Variants in MCTP2 observed in about 807,000 individuals in gnomAD.
MCTP2 encodes the protein multiple C2 and transmembrane domain containing 2, also known as multiple C2 and transmembrane domain-containing protein 2.
In MCTP2, 132 loss-of-function variants were observed where a neutral mutation model predicts 111.6. The observed-to-expected ratio is 1.18, with a 90% CI of 1.03 to 1.37. The LOEUF is 1.37. MCTP2 is among the 40% of genes most tolerant of loss of function. The pLI is 0.00. For missense variants in MCTP2, 1,183 were observed against 1,067.9 expected, an observed-to-expected ratio of 1.11 and a Z score of -1.50; for synonymous variants, 395 against 387.7, an observed-to-expected ratio of 1.02 and a Z score of -0.22.
At chr15:94,346,803 C>T (rs780467430) in intron 8 of MCTP2, among the ~76,000 whole-genome samples, 5 of 151,990 alleles carry the variant, frequency 3.3e-5, no homozygotes, top group African/African-American at 4.8e-5. Context: ...AAAATGTTGA[C>T]GGCCTGGGTG....
rs571927988 is a variant in MCTP2, at chr15:94,340,208, C to A, written c.790C>A (p.Arg264=). ...TCTGTCCTCTTTGTAGGTATATGAT[C>A]GAGATTTAACCACATCTGATTTCAT... is the stretch of plus-strand genomic sequence containing the variant. ...DQKLRVKVYD[R]DLTTSDFMGS... is the part of the protein sequence containing the mutation. The change falls in exon 6 of 23, where the codon CGA becomes AGA. Residue 264 remains arginine, a synonymous_variant. Transcript: ENST00000357742. 9.9e-6 allele frequency: 16 copies of A among 1,611,264 alleles called. No individual in the cohort carries two copies. In the South Asian group the frequency reaches 1.8e-4, roughly 18 times the overall value.
chr15:94,379,853 AT>A (rs1476500629), intron 12 of MCTP2, among the ~76,000 whole-genome samples: 112 of 145,768 alleles, frequency 7.7e-4, no homozygotes, highest in African/African-American at 2.7e-3. Context: ...TATGATATAT[AT>A]ATAATATATG....
intron 17 of MCTP2, among the ~76,000 whole-genome samples, chr15:94,407,299 C>G (rs181243781): frequency 1.3e-4 from 20 of 152,244 alleles, no homozygotes; most frequent in Non-Finnish European, 2.1e-4. Context: ...CATAGAATTG[C>G]ATTTATGCAG....
chr15:94,261,792 C>T (rs2073199890), intron 1 of MCTP2, among the ~76,000 whole-genome samples: 3 of 152,142 alleles, frequency 2.0e-5, no homozygotes. Flanking sequence ...CCCTGCTTGG[C>T]TGATGTTTAT....
intron 4 of MCTP2, among the ~76,000 whole-genome samples, chr15:94,320,700 T>A (rs1202030646): frequency 1.3e-5 from 2 of 152,178 alleles, no homozygotes; most frequent in African/African-American, 4.8e-5. Flanking sequence ...GGCTTGGTGA[T>A]GAAAGTCAGC....
intron 7 of MCTP2, chr15:94,342,648 A>G (rs1319874419): frequency 2.0e-5 from 3 of 151,708 alleles, no homozygotes; most frequent in African/African-American, 7.3e-5. Context: ...GTCTCCATAT[A>G]TACGCATATT....
intron 1 of MCTP2, among the ~76,000 whole-genome samples, chr15:94,258,331 C>G (rs1476576091): frequency 6.6e-6 from 1 of 152,088 alleles, no homozygotes; most frequent in Admixed American, 6.6e-5. Context: ...GTTTGAATTT[C>G]TTTTCTAATT....
chr15:94,243,865 A>T (rs375170286), intron 1 of MCTP2, among the ~76,000 whole-genome samples: 1 of 147,426 alleles, frequency 6.8e-6, no homozygotes, highest in Admixed American at 6.7e-5. Flanking sequence ...ATACACATAC[A>T]TATGTGTATA....
chr15:94,322,941 G>A (rs2076694485), intron 4 of MCTP2, among the ~76,000 whole-genome samples: 1 of 152,180 alleles, frequency 6.6e-6, no homozygotes, highest in Non-Finnish European at 1.5e-5. Flanking sequence ...TGCCCACGAG[G>A]AAACACATGC....
intron 1 of MCTP2, among the ~76,000 whole-genome samples, chr15:94,281,307 T>G (rs560516803): frequency 4.6e-5 from 7 of 152,308 alleles, no homozygotes; most frequent in Middle Eastern, 3.4e-3. Flanking sequence ...CTCTTTATCA[T>G]TATGGAATGT....
intron 1 of MCTP2, among the ~76,000 whole-genome samples, chr15:94,259,174 C>A (rs1036392944): frequency 6.6e-6 from 1 of 152,122 alleles, no homozygotes. Context: ...GATTGCAGGA[C>A]CTGAATAAAA....
chr15:94,370,006 A>G, intron 11 of MCTP2, 81 bp from the exon 12 acceptor site: 1 of 760,746 alleles, frequency 1.3e-6, no homozygotes, highest in Non-Finnish European at 2.0e-6. Context: ...TAAATCTAGG[A>G]TGCACTTCCT....
intron 4 of MCTP2, among the ~76,000 whole-genome samples, chr15:94,333,459 G>A (rs890695862): frequency 1.3e-5 from 2 of 151,436 alleles, no homozygotes; most frequent in African/African-American, 4.9e-5. Context: ...AAAAAGCAAA[G>A]AGAAGTTGTT....
chr15:94,406,106 G>A lies in MCTP2; in HGVS notation c.2085+4087G>A, dbSNP rs1410307406. Among the ~76,000 whole-genome samples, 5 of 152,112 alleles carry A rather than the reference G, an allele frequency of 3.3e-5. No individual in the cohort carries two copies. In the East Asian group the frequency reaches 9.6e-4, roughly 29 times the overall value. ...TATACATACACAAGACGTGTACATGGCCATTCCCACACAGATTTTGACTAT... is the reference window on the plus strand; with the variant it reads ...TATACATACACAAGACGTGTACATGACCATTCCCACACAGATTTTGACTAT... On this transcript the variant is annotated intron_variant, in intron 17 of 22. Transcript: ENST00000357742.
intron 3 of MCTP2, chr15:94,314,654 A>T (rs2076300453): frequency 3.7e-6 from 2 of 538,248 alleles, no homozygotes; most frequent in Admixed American, 4.8e-5. Flanking sequence ...AGGGTGGCTT[A>T]GCCACAGGAT....
At chr15:94,365,843 A>C (rs1369524410) in intron 10 of MCTP2, among the ~76,000 whole-genome samples, 1 of 152,218 alleles carries the variant, frequency 6.6e-6, no homozygotes, top group Admixed American at 6.5e-5. Context: ...AGAATGTGCC[A>C]TCAATAGGCT....
chr15:94,263,165 C>T (rs960373837), intron 1 of MCTP2, among the ~76,000 whole-genome samples: 4 of 152,108 alleles, frequency 2.6e-5, no homozygotes, highest in East Asian at 1.9e-4. Flanking sequence ...AGACTCGTGA[C>T]TTTGTGTCCA....
intron 19 of MCTP2, among the ~76,000 whole-genome samples, chr15:94,444,769 C>T (rs2084021956): frequency 1.3e-5 from 2 of 152,210 alleles, no homozygotes; most frequent in African/African-American, 2.4e-5. Flanking sequence ...CATAACATCA[C>T]ATTAGGCAAA....
At chr15:94,272,364 T>C (rs555367434) in intron 1 of MCTP2, among the ~76,000 whole-genome samples, 22 of 152,270 alleles carry the variant, frequency 1.4e-4, no homozygotes, top group African/African-American at 5.3e-4. Context: ...TAATTACTGA[T>C]TGAACACTGT....
Sources: gnomAD v4.1 joint callset for allele counts (sites outside exome capture counted in the v4.1 genomes callset) on GRCh38, gnomAD v4.1.1 for gene constraint, MANE v1.5 for transcripts, NCBI Gene and HGNC (gene_info 2026-07-23, HGNC 2026-07-21) for gene names.